Variants in NBEA observed in about 807,000 individuals in gnomAD.
NBEA encodes neurobeachin.
In NBEA, 44 loss-of-function variants were observed where a neutral mutation model predicts 343.4. The ratio of observed to expected loss-of-function variants is 0.13; its 90% confidence interval spans 0.10 to 0.16. The LOEUF (loss-of-function observed/expected upper bound fraction) is 0.16. Among genes scored for constraint, NBEA ranks in the 10% least tolerant of loss-of-function variants. NBEA has a pLI of 1.00. For missense variants in NBEA, 2,555 were observed against 3,631.3 expected, an observed-to-expected ratio of 0.70 and a Z score of 7.62; for synonymous variants, 1,175 against 1,238.7, an observed-to-expected ratio of 0.95 and a Z score of 1.08.
chr13:35,447,309 A>G (rs2152941843), intron 39 of NBEA, among the ~76,000 whole-genome samples: 1 of 152,260 alleles, frequency 6.6e-6, no homozygotes, highest in Non-Finnish European at 1.5e-5. Flanking sequence ...AATAAGAGTA[A>G]CAATAATACT....
intron 9 of NBEA, among the ~76,000 whole-genome samples, chr13:35,070,310 A>G (rs2063816915): frequency 6.6e-6 from 1 of 152,064 alleles, no homozygotes; most frequent in Admixed American, 6.6e-5. Flanking sequence ...TTAGTAGGAA[A>G]TCTGTCATAT....
intron 47 of NBEA, among the ~76,000 whole-genome samples, chr13:35,599,053 TA>T (rs1450814365): frequency 6.6e-6 from 1 of 152,182 alleles, no homozygotes; most frequent in Non-Finnish European, 1.5e-5. Flanking sequence ...AGCACATGCT[TA>T]TTAGGTACTT....
At chr13:35,565,762 C>T (rs1305733499) in intron 44 of NBEA, among the ~76,000 whole-genome samples, 1 of 152,110 alleles carries the variant, frequency 6.6e-6, no homozygotes, top group Non-Finnish European at 1.5e-5. Flanking sequence ...CTAAACTTTC[C>T]CCATTCCCAC....
At chr13:34,964,305 T>C (rs2059752722) in intron 1 of NBEA, among the ~76,000 whole-genome samples, 2 of 152,026 alleles carry the variant, frequency 1.3e-5, no homozygotes, top group African/African-American at 4.8e-5. Context: ...AGAATCTGTT[T>C]GCTTACCCAG....
chr13:35,493,008 A>G (rs1171232768), intron 41 of NBEA, among the ~76,000 whole-genome samples: 5 of 152,026 alleles, frequency 3.3e-5, no homozygotes, highest in African/African-American at 4.8e-5. Context: ...GGACACAGGC[A>G]TAGACTGCTG....
chr13:35,303,593 A>G (rs541119478), intron 35 of NBEA, among the ~76,000 whole-genome samples: 6 of 152,296 alleles, frequency 3.9e-5, no homozygotes, highest in African/African-American at 1.2e-4. Context: ...ATAAACAAGT[A>G]CAGGAAAACT....
intron 41 of NBEA, among the ~76,000 whole-genome samples, chr13:35,504,791 A>G (rs527514264): frequency 6.6e-6 from 1 of 151,992 alleles, no homozygotes; most frequent in African/African-American, 2.4e-5. Flanking sequence ...ATTTTTTTGT[A>G]GAGACAGAGG....
Position 35,655,634 on chromosome 13 carries a change from G to A in NBEA, c.8247G>A (p.Arg2749=), listed in dbSNP as rs1484054051. The part of the protein sequence containing the change: ...GHWDVVTCLA[R]SESYIGGDCY... Reference sequence around the variant, plus strand: ...GGGATGTGGTCACTTGCTTGGCCAGGTCCGAGTCATACATTGGTGGGGACT... The same window carrying A: ...GGGATGTGGTCACTTGCTTGGCCAGATCCGAGTCATACATTGGTGGGGACT... The change falls in exon 55 of 59, where the codon AGG becomes AGA. Residue 2749 remains arginine (R), a synonymous_variant. Transcript: ENST00000379939. 1.2e-6 allele frequency: 2 copies of A among 1,613,900 alleles called. No individual in the cohort carries two copies. The highest frequency in any genetic ancestry group is 3.3e-5 in the Admixed American group (2 of 60,000).
intron 1 of NBEA, among the ~76,000 whole-genome samples, chr13:35,039,937 C>T (rs539840742): frequency 1.2e-4 from 19 of 152,138 alleles, no homozygotes; most frequent in Non-Finnish European, 2.4e-4. Flanking sequence ...CATACATATA[C>T]ATCTTTGTTC....
chr13:35,633,336 T>G (rs1273974680), intron 49 of NBEA, among the ~76,000 whole-genome samples: 4 of 150,528 alleles, frequency 2.7e-5, no homozygotes, highest in Non-Finnish European at 4.4e-5. Flanking sequence ...TTTCCTGATC[T>G]TGTGATCCGC....
intron 1 of NBEA, among the ~76,000 whole-genome samples, chr13:35,020,934 T>G (rs1593488991): frequency 1.3e-5 from 2 of 152,310 alleles, no homozygotes; most frequent in South Asian, 4.1e-4. Context: ...CTATTTCTCT[T>G]TCATTTGTAT....
At chr13:35,537,501 G>A (rs1391470665) in intron 41 of NBEA, among the ~76,000 whole-genome samples, 1 of 152,064 alleles carries the variant, frequency 6.6e-6, no homozygotes, top group African/African-American at 2.4e-5. Context: ...GTCTAGTGGA[G>A]GAGATTACAT....
chr13:35,497,117 T>C (rs559903075), intron 41 of NBEA, among the ~76,000 whole-genome samples: 2 of 152,042 alleles, frequency 1.3e-5, no homozygotes, highest in Non-Finnish European at 2.9e-5. Flanking sequence ...ATTAAGGATA[T>C]GATCACCAGT....
chr13:35,276,791 T>C (rs1004145420), intron 34 of NBEA, among the ~76,000 whole-genome samples: 1 of 152,238 alleles, frequency 6.6e-6, no homozygotes, highest in Admixed American at 6.5e-5. Context: ...GACTATAAGA[T>C]ACTAGCCTGA....
chr13:35,212,753 T>G (rs937073512), intron 33 of NBEA, among the ~76,000 whole-genome samples: 3 of 152,134 alleles, frequency 2.0e-5, no homozygotes, highest in Non-Finnish European at 4.4e-5. Flanking sequence ...TTCCATTGTA[T>G]TTTTAGTTTG....
intron 38 of NBEA, among the ~76,000 whole-genome samples, chr13:35,401,035 C>T (rs1170126349): frequency 6.6e-6 from 1 of 151,762 alleles, no homozygotes; most frequent in East Asian, 1.9e-4. Flanking sequence ...TCACATGTGC[C>T]CTCAAAGCAC....
At chr13:35,093,287 T>C (rs1428162132) in intron 10 of NBEA, among the ~76,000 whole-genome samples, 1 of 146,994 alleles carries the variant, frequency 6.8e-6, no homozygotes, top group African/African-American at 2.5e-5. Flanking sequence ...AATCTATGTA[T>C]CTATTTAACA....
chr13:35,383,334 A>T (rs780903746), intron 38 of NBEA, among the ~76,000 whole-genome samples: 1 of 152,184 alleles, frequency 6.6e-6, no homozygotes, highest in African/African-American at 2.4e-5. Context: ...CAGGACCAAG[A>T]TATGCCTAAT....
At chr13:35,104,165 CTCTT>C (rs1423151090) in intron 11 of NBEA, among the ~76,000 whole-genome samples, 1 of 151,856 alleles carries the variant, frequency 6.6e-6, no homozygotes, top group Non-Finnish European at 1.5e-5. Context: ...GTTTCCATCA[CTCTT>C]TCTTCAGATA....
Sources: gnomAD v4.1 joint callset for allele counts (sites outside exome capture counted in the v4.1 genomes callset) on GRCh38, gnomAD v4.1.1 for gene constraint, MANE v1.5 for transcripts, NCBI Gene and HGNC (gene_info 2026-07-23, HGNC 2026-07-21) for gene names.